The following ALG9 variants were observed in gnomAD, a reference collection of about 807,000 sequenced individuals.
ALG9 encodes alpha-1,2-mannosyltransferase ALG9.
Under a neutral mutation model 81.8 loss-of-function variants are expected in ALG9, and 55 were observed. That is an observed-to-expected ratio of 0.67 (90% CI 0.54 to 0.84). ALG9 has a LOEUF of 0.84. Ranked by LOEUF, ALG9 falls within the 40% of genes least tolerant of loss-of-function variation. The pLI is 0.00. For synonymous variants in ALG9, 278 were observed against 274.3 expected (o/e 1.01, Z -0.13); for missense variants, 629 against 745.0 (o/e 0.84, Z 1.81).
the ALG9 span, among the ~76,000 whole-genome samples, chr11:111,771,601 G>A: frequency 1.3e-5 from 2 of 152,332 alleles, no homozygotes; most frequent in Admixed American, 1.3e-4. Context: ...TCTCAGGGCA[G>A]ATTCAGACTG....
In ALG9 at chr11:111,857,586, A is replaced by G; in HGVS notation, c.701+16T>C. ...ATGCCCAGCGATATATGGGAGGAGA[A>G]CTGTTAGTTTCTTACCCAAGAGCTG... On this transcript the variant is annotated intron_variant, in intron 6 of 14. Coordinates refer to ENST00000616540, the MANE Select transcript of ALG9 (RefSeq NM_024740.2). The G allele has an allele frequency of 6.2e-7, 1 of 1,614,088 alleles. No individual in the cohort carries two copies. Among genetic ancestry groups the G allele is most frequent in the Non-Finnish European group, 8.5e-7 (1 of 1,180,000 alleles).
At chr11:111,865,949 T>C (rs1435329035) in intron 3 of ALG9, among the ~76,000 whole-genome samples, 1 of 152,196 alleles carries the variant, frequency 6.6e-6, no homozygotes, top group Admixed American at 6.5e-5. Context: ...TACTACAGAA[T>C]ACCATATGGT....
At chr11:111,827,129 T>C (rs1269120962) in intron 13 of ALG9, among the ~76,000 whole-genome samples, 1 of 152,236 alleles carries the variant, frequency 6.6e-6, no homozygotes, top group African/African-American at 2.4e-5. Flanking sequence ...TTTCTTTCAA[T>C]TCCTTCTTTT....
At chr11:111,819,187 T>TA (rs1951951387) in intron 13 of ALG9, among the ~76,000 whole-genome samples, 1 of 152,240 alleles carries the variant, frequency 6.6e-6, no homozygotes. Context: ...AAAGAACTAA[T>TA]AGTCCAACCT....
chr11:111,867,572 G>A (rs1962908523), intron 3 of ALG9, among the ~76,000 whole-genome samples: 1 of 152,184 alleles, frequency 6.6e-6, no homozygotes, highest in Non-Finnish European at 1.5e-5. Flanking sequence ...AAATGCAATG[G>A]ACGGGGTCAG....
downstream of ALG9, among the ~76,000 whole-genome samples, chr11:111,780,705 A>C (rs191427451): frequency 6.6e-6 from 1 of 152,162 alleles, no homozygotes; most frequent in Admixed American, 6.5e-5. Context: ...CCAACTTGCC[A>C]TATTTTCTAT....
intron 14 of ALG9, among the ~76,000 whole-genome samples, chr11:111,800,584 C>G (rs1948962523): frequency 6.6e-6 from 1 of 151,938 alleles, no homozygotes; most frequent in African/African-American, 2.4e-5. Flanking sequence ...GCCTAACCAG[C>G]TGACTTAAGA....
At chr11:111,795,821 GA>G (rs1370882488) in intron 14 of ALG9, among the ~76,000 whole-genome samples, 2 of 152,166 alleles carry the variant, frequency 1.3e-5, no homozygotes, top group African/African-American at 4.8e-5. Context: ...AGGAACTGGG[GA>G]AAAATGCTAT....
intron 13 of ALG9, among the ~76,000 whole-genome samples, chr11:111,820,065 A>C (rs2136559585): frequency 6.6e-6 from 1 of 152,372 alleles, no homozygotes; most frequent in South Asian, 2.1e-4. Context: ...TATCGTAATA[A>C]ATCTACTAAA....
chr11:111,867,799 C>T (rs537098461), intron 3 of ALG9, among the ~76,000 whole-genome samples: 9 of 152,226 alleles, frequency 5.9e-5, no homozygotes, highest in South Asian at 2.1e-4. Flanking sequence ...TGTGCTCCTA[C>T]GATCTTATTT....
At position 111,785,317 on chromosome 11, in the gene ALG9, T is replaced by G. The variant is rs1286642540; in HGVS notation, c.*1080A>C. On this transcript the variant is annotated 3_prime_UTR_variant, in exon 15 of 15. Transcript: ENST00000616540. ...AACGAGATGCTGTGAAAGTGCCTTG[T>G]AAACTGAAGTACTGACTGTAAAGGC... 1 of 152,288 alleles carries G rather than the reference T, an allele frequency of 6.6e-6. No homozygotes were observed. Among genetic ancestry groups the G allele is most frequent in the Non-Finnish European group, 1.5e-5 (1 of 68,068 alleles). The allele number at this position is 152,288 out of a possible 1,614,324, so 9.4% of individuals were successfully genotyped here.
intron 12 of ALG9, 43 bp from the exon 13 acceptor site, chr11:111,836,337 A>G (rs1565969851): frequency 6.2e-7 from 1 of 1,611,022 alleles, no homozygotes. Flanking sequence ...CAGGGGGATA[A>G]TATTGCTAAA....
At chr11:111,851,477 C>CAAAAAAA (rs11343980) in intron 8 of ALG9, among the ~76,000 whole-genome samples, 1 of 105,080 alleles carries the variant, frequency 9.5e-6, no homozygotes, top group African/African-American at 3.6e-5. Context: ...AACTCCATCT[C>CAAAAAAA]AAAAAAAAAA....
intron 14 of ALG9, among the ~76,000 whole-genome samples, chr11:111,804,698 C>T (rs1949667397): frequency 6.6e-6 from 1 of 152,148 alleles, no homozygotes; most frequent in Non-Finnish European, 1.5e-5. Flanking sequence ...GGCAAATGAG[C>T]ATATGAAAAG....
At chr11:111,787,213 T>C (rs1228710378) in intron 14 of ALG9, among the ~76,000 whole-genome samples, 2 of 152,082 alleles carry the variant, frequency 1.3e-5, no homozygotes, top group Admixed American at 1.3e-4. Context: ...GGCAGATCAT[T>C]TGAGGTCAGG....
chr11:111,840,097 C>T (rs1484783120), intron 10 of ALG9, among the ~76,000 whole-genome samples: 1 of 152,260 alleles, frequency 6.6e-6, no homozygotes, highest in South Asian at 2.1e-4. Context: ...TGAATTATAT[C>T]TCAAAAAACC....
intron 8 of ALG9, among the ~76,000 whole-genome samples, chr11:111,846,351 T>C (rs1484557260): frequency 4.6e-5 from 7 of 152,220 alleles, no homozygotes; most frequent in African/African-American, 1.7e-4. Context: ...CTATTACAGA[T>C]GTCAAGCACC....
At chr11:111,780,366 G>A (rs1945860356), downstream of ALG9, among the ~76,000 whole-genome samples, 2 of 151,622 alleles carry the variant, frequency 1.3e-5, no homozygotes, top group South Asian at 4.2e-4. Context: ...ACTACAGGCA[G>A]GATTTATAAT....
chr11:111,796,292 A>T (rs1948273333), intron 14 of ALG9, among the ~76,000 whole-genome samples: 1 of 152,216 alleles, frequency 6.6e-6, no homozygotes, highest in South Asian at 2.1e-4. Flanking sequence ...ATCAACATGT[A>T]ATGTGGTTCT....
Sources: allele counts gnomAD v4.1 joint callset (sites outside exome capture counted in the v4.1 genomes callset), GRCh38; gene constraint gnomAD v4.1.1; transcripts MANE v1.5; gene names NCBI Gene and HGNC (gene_info 2026-07-23, HGNC 2026-07-21).